LHFPL3: variants seen among roughly 807,000 people sequenced by gnomAD.
The protein encoded by LHFPL3 is LHFPL tetraspan subfamily member 3, also known as LHFPL tetraspan subfamily member 3 protein.
In LHFPL3, 5 loss-of-function variants were observed where a neutral mutation model predicts 19.3. The observed-to-expected ratio is 0.26, with a 90% CI of 0.14 to 0.54. The LOEUF (loss-of-function observed/expected upper bound fraction) is 0.54. Ranked by LOEUF, LHFPL3 falls within the 20% of genes least tolerant of loss-of-function variation. LHFPL3 has a pLI of 0.94. For synonymous variants in LHFPL3, 133 were observed against 126.2 expected (o/e 1.05, Z -0.36); for missense variants, 249 against 307.4 (o/e 0.81, Z 1.42).
At chr7:104,391,359 G>T (rs7777499) in intron 1 of LHFPL3, among the ~76,000 whole-genome samples, 52,720 of 151,936 alleles carry the variant, frequency 0.35, 9,543 homozygotes, top group Admixed American at 0.49. Context: ...ATTAATTTTT[G>T]TATAAGGTGT....
At chr7:104,875,605 G>C (rs941987697) in intron 2 of LHFPL3, among the ~76,000 whole-genome samples, 2 of 152,212 alleles carry the variant, frequency 1.3e-5, no homozygotes, top group Non-Finnish European at 2.9e-5. Context: ...TTCAATGGCA[G>C]TGGAAGTTTT....
intron 1 of LHFPL3, among the ~76,000 whole-genome samples, chr7:104,417,778 C>T (rs1375902603): frequency 1.3e-5 from 2 of 151,814 alleles, no homozygotes; most frequent in African/African-American, 4.8e-5. Context: ...CTTAACGGTG[C>T]TTGACTCATG....
intron 1 of LHFPL3, among the ~76,000 whole-genome samples, chr7:104,554,602 C>A (rs1794723148): frequency 6.6e-6 from 1 of 151,406 alleles, no homozygotes; most frequent in African/African-American, 2.4e-5. Flanking sequence ...AGTCAGAATT[C>A]CCCACAGAGG....
intron 1 of LHFPL3, among the ~76,000 whole-genome samples, chr7:104,351,465 G>A (rs915426707): frequency 6.6e-6 from 1 of 152,142 alleles, no homozygotes; most frequent in Non-Finnish European, 1.5e-5. Context: ...TGTTTGAAAA[G>A]TTTTTCTACT....
intron 1 of LHFPL3, among the ~76,000 whole-genome samples, chr7:104,564,628 C>G (rs1313312494): frequency 6.6e-6 from 1 of 152,204 alleles, no homozygotes; most frequent in Non-Finnish European, 1.5e-5. Context: ...CCCTGAATGT[C>G]TTTCTGTAGA....
At chr7:104,850,164 T>C (rs1443329724) in intron 2 of LHFPL3, among the ~76,000 whole-genome samples, 3 of 151,978 alleles carry the variant, frequency 2.0e-5, no homozygotes, top group Non-Finnish European at 4.4e-5. Context: ...TAGCCAGGCG[T>C]GGTGGCACAT....
chr7:104,431,402 C>A (rs1267185816), intron 1 of LHFPL3, among the ~76,000 whole-genome samples: 1 of 152,178 alleles, frequency 6.6e-6, no homozygotes, highest in African/African-American at 2.4e-5. Context: ...CATGCCTACA[C>A]CATGTTGATA....
Position 104,800,745 on chromosome 7 carries a change from A to C in LHFPL3, c.682+63834A>C, listed in dbSNP as rs183833764. Reference sequence around the variant, plus strand: ...CAGCTCCTTTCCTTGCTAGCCAGGCAGATAGTGTTGAAAGGAGGAGCTGGA... The same window carrying C: ...CAGCTCCTTTCCTTGCTAGCCAGGCCGATAGTGTTGAAAGGAGGAGCTGGA... On this transcript the variant is annotated intron_variant, in intron 2 of 2. Coordinates refer to ENST00000424859, the MANE Select transcript of LHFPL3 (RefSeq NM_199000.3). Among the ~76,000 whole-genome samples the C allele has an allele frequency of 2.9e-3, 444 of 152,256 alleles. 8 individuals are homozygous for C. Among genetic ancestry groups the C allele is most frequent in the Admixed American group, 0.027 (415 of 15,282 alleles).
chr7:104,654,859 T>G (rs1792094646), intron 1 of LHFPL3, among the ~76,000 whole-genome samples: 1 of 152,204 alleles, frequency 6.6e-6, no homozygotes, highest in Non-Finnish European at 1.5e-5. Context: ...TAGTGTAGGT[T>G]GTACACCATG....
At chr7:104,579,023 A>G (rs534122377) in intron 1 of LHFPL3, among the ~76,000 whole-genome samples, 5 of 152,252 alleles carry the variant, frequency 3.3e-5, no homozygotes, top group Admixed American at 1.3e-4. Context: ...TGAGAGCCCT[A>G]ATGGATCTTA....
intron 1 of LHFPL3, among the ~76,000 whole-genome samples, chr7:104,552,327 G>T (rs556504281): frequency 6.6e-6 from 1 of 152,312 alleles, no homozygotes; most frequent in East Asian, 1.9e-4. Flanking sequence ...ACGTGAGCAG[G>T]AATGTAGCCT....
At chr7:104,788,406 A>T (rs1283462429) in intron 2 of LHFPL3, among the ~76,000 whole-genome samples, 1 of 152,214 alleles carries the variant, frequency 6.6e-6, no homozygotes, top group Non-Finnish European at 1.5e-5. Context: ...CACAGTCTTC[A>T]CACACCATTT....
chr7:104,831,799 G>T (rs1280481199), intron 2 of LHFPL3, among the ~76,000 whole-genome samples: 1 of 151,970 alleles, frequency 6.6e-6, no homozygotes, highest in East Asian at 1.9e-4. Context: ...AGCTAGACCT[G>T]TATTTGAATC....
In LHFPL3 at chr7:104,819,057, G is replaced by A. The variant is rs959499839; in HGVS notation, c.682+82146G>A. Among the ~76,000 whole-genome samples, 14 of 152,042 alleles carry A rather than the reference G, an allele frequency of 9.2e-5. No individual in the cohort carries two copies. In the East Asian group the frequency reaches 2.5e-3, roughly 27 times the overall value. On this transcript the variant is annotated intron_variant, in intron 2 of 2. Coordinates refer to ENST00000424859, the MANE Select transcript of LHFPL3 (RefSeq NM_199000.3). ...TTGTGGCATTCATAATGTTTATTTT[G>A]CATGCCTTCAAGAGTTAGGCAAAGC...
intron 1 of LHFPL3, among the ~76,000 whole-genome samples, chr7:104,554,493 C>T (rs982506201): frequency 2.6e-5 from 4 of 152,044 alleles, no homozygotes; most frequent in African/African-American, 9.7e-5. Flanking sequence ...TAAATTAGCT[C>T]GTGTTATAGA....
At chr7:104,867,758 T>A (rs887393674) in intron 2 of LHFPL3, among the ~76,000 whole-genome samples, 13 of 152,110 alleles carry the variant, frequency 8.5e-5, no homozygotes, top group Admixed American at 7.2e-4. Context: ...TACCAAAGCC[T>A]GGCAGAGACA....
intron 2 of LHFPL3, chr7:104,796,603 C>A (rs973724494): frequency 1.3e-5 from 2 of 152,286 alleles, no homozygotes; most frequent in Non-Finnish European, 2.9e-5. Flanking sequence ...GAGTCAAGGG[C>A]TACCAATCAG....
chr7:104,703,620 A>G (rs1436958145), intron 1 of LHFPL3, among the ~76,000 whole-genome samples: 1 of 152,076 alleles, frequency 6.6e-6, no homozygotes, highest in Non-Finnish European at 1.5e-5. Flanking sequence ...TTGTCTCTTT[A>G]TTTTAGTTAT....
chr7:104,415,838 G>C (rs1791610081), intron 1 of LHFPL3, among the ~76,000 whole-genome samples: 1 of 152,180 alleles, frequency 6.6e-6, no homozygotes, highest in Admixed American at 6.5e-5. Flanking sequence ...GCTATAGTTG[G>C]CTACAGAGTC....
Sources: allele counts gnomAD v4.1 joint callset (sites outside exome capture counted in the v4.1 genomes callset), GRCh38; gene constraint gnomAD v4.1.1; transcripts MANE v1.5; gene names NCBI Gene and HGNC (gene_info 2026-07-23, HGNC 2026-07-21).